Variants in ROBO2 observed in about 807,000 individuals in gnomAD.
ROBO2 encodes roundabout homolog 2.
In ROBO2, 53 loss-of-function variants were observed where a neutral mutation model predicts 160.8. The observed-to-expected ratio is 0.33, with a 90% CI of 0.26 to 0.41. The LOEUF is 0.41. Ranked by LOEUF, ROBO2 falls within the 10% of genes least tolerant of loss-of-function variation. The probability of loss-of-function intolerance (pLI) is 1.00; values close to 1 mark genes in which losing one functional copy is unlikely to be tolerated. For missense variants in ROBO2, 1,577 were observed against 1,722.4 expected (o/e 0.92, Z 1.49); for synonymous variants, 664 against 611.7 (o/e 1.09, Z -1.26).
chr3:76,681,286 T>G (rs2092555479), intron 2 of ROBO2, among the ~76,000 whole-genome samples: 1 of 152,118 alleles, frequency 6.6e-6, no homozygotes, highest in Non-Finnish European at 1.5e-5. Flanking sequence ...GAAAGCATAA[T>G]TTGACCATGT....
chr3:76,268,149 A>T (rs1223178408), intron 2 of ROBO2, among the ~76,000 whole-genome samples: 35 of 152,158 alleles, frequency 2.3e-4, no homozygotes. Context: ...GTGTGCCTGT[A>T]GTCTCAGTTA....
intron 2 of ROBO2, among the ~76,000 whole-genome samples, chr3:77,269,383 A>G (rs6770683): frequency 0.5 from 75,761 of 152,056 alleles, 20,087 homozygotes; most frequent in Middle Eastern, 0.7. Flanking sequence ...TAAACCATGC[A>G]TTCCCAATTG....
At chr3:76,616,977 T>C (rs1438117488) in intron 2 of ROBO2, among the ~76,000 whole-genome samples, 1 of 152,152 alleles carries the variant, frequency 6.6e-6, no homozygotes, top group Non-Finnish European at 1.5e-5. Context: ...CCTAGGTCAC[T>C]GACCTTAGCT....
chr3:77,613,852 A>G (rs2094706037), intron 21 of ROBO2, among the ~76,000 whole-genome samples: 1 of 152,202 alleles, frequency 6.6e-6, no homozygotes, highest in African/African-American at 2.4e-5. Flanking sequence ...ATAAGACTGC[A>G]TATAATCAAT....
At chr3:77,344,476 G>C (rs576901523) in intron 2 of ROBO2, among the ~76,000 whole-genome samples, 34 of 152,078 alleles carry the variant, frequency 2.2e-4, no homozygotes, top group Non-Finnish European at 4.6e-4. Context: ...CCTTATAAAA[G>C]AGGCCCAAGA....
intron 2 of ROBO2, among the ~76,000 whole-genome samples, chr3:77,359,890 T>C (rs1321298970): frequency 6.6e-6 from 1 of 151,990 alleles, no homozygotes; most frequent in Non-Finnish European, 1.5e-5. Flanking sequence ...TTGACTCTCT[T>C]GCCCAGAGTG....
intron 2 of ROBO2, among the ~76,000 whole-genome samples, chr3:77,241,535 G>T (rs1191403774): frequency 6.6e-6 from 1 of 152,110 alleles, no homozygotes; most frequent in East Asian, 1.9e-4. Context: ...TACACTTTAA[G>T]TGACTTTCCA....
intron 2 of ROBO2, among the ~76,000 whole-genome samples, chr3:77,457,132 T>C (rs1582105987): frequency 6.6e-6 from 1 of 152,168 alleles, no homozygotes. Context: ...TAGCTCTTGA[T>C]AACATTCTCT....
intron 2 of ROBO2, among the ~76,000 whole-genome samples, chr3:75,980,440 A>G (rs1256985044): frequency 6.6e-6 from 1 of 151,260 alleles, no homozygotes; most frequent in Non-Finnish European, 1.5e-5. Flanking sequence ...TCTGCTTAGT[A>G]TTCATTGTCA....
intron 2 of ROBO2, among the ~76,000 whole-genome samples, chr3:77,470,199 T>G (rs2083214682): frequency 6.6e-6 from 1 of 152,150 alleles, no homozygotes; most frequent in Non-Finnish European, 1.5e-5. Flanking sequence ...TGAAATCATA[T>G]TAAGGAGAGA....
chr3:76,293,917 G>A (rs1708935777), intron 2 of ROBO2, among the ~76,000 whole-genome samples: 3 of 152,092 alleles, frequency 2.0e-5, no homozygotes, highest in East Asian at 3.9e-4. Flanking sequence ...CACCATTCAC[G>A]GCACCCAGGC....
intron 2 of ROBO2, among the ~76,000 whole-genome samples, chr3:77,433,349 T>C (rs77825756): frequency 0.025 from 3,756 of 151,430 alleles, 162 homozygotes; most frequent in African/African-American, 0.085. Context: ...TCCTAAACTG[T>C]TCTGTATTGT....
At chr3:76,210,597 A>C (rs929162168) in intron 2 of ROBO2, among the ~76,000 whole-genome samples, 1 of 152,138 alleles carries the variant, frequency 6.6e-6, no homozygotes, top group South Asian at 2.1e-4. Flanking sequence ...ATTTAAACAG[A>C]GTTAATAAAT....
At chr3:77,136,090 G>A (rs1579293041) in intron 2 of ROBO2, among the ~76,000 whole-genome samples, 1 of 152,146 alleles carries the variant, frequency 6.6e-6, no homozygotes, top group Admixed American at 6.5e-5. Flanking sequence ...GCCTTTGTGA[G>A]TATTTTGGGT....
At chr3:77,615,165 AT>A (rs2094742850) in intron 21 of ROBO2, among the ~76,000 whole-genome samples, 1 of 152,120 alleles carries the variant, frequency 6.6e-6, no homozygotes, top group Non-Finnish European at 1.5e-5. Context: ...GTCCAAAAAA[AT>A]AAATTAAGAG....
chr3:76,832,424 A>G (rs3911519), intron 2 of ROBO2, among the ~76,000 whole-genome samples: 19,527 of 152,156 alleles, frequency 0.13, 1,409 homozygotes, highest in East Asian at 0.24. Context: ...CTTTGGTTGC[A>G]GAGACACACA....
chr3:77,596,812 C>T lies in ROBO2; in HGVS notation c.2854+62C>T, dbSNP rs2094315900. ...CTCTCTCTCTTTTTTTTTTTTTGAC[C>T]TTCCTGGATTTTTTTAAAGAAACAT... On this transcript the variant is annotated intron_variant, in intron 19 of 25. Coordinates refer to ENST00000461745, the Ensembl canonical transcript of ROBO2. 9 of 1,579,670 alleles carry T rather than the reference C, an allele frequency of 5.7e-6. No homozygotes were observed. In the Admixed American group the frequency reaches 7.1e-5, roughly 12 times the overall value.
At chr3:77,185,182 G>A (rs2081169240) in intron 2 of ROBO2, among the ~76,000 whole-genome samples, 1 of 151,998 alleles carries the variant, frequency 6.6e-6, no homozygotes, top group African/African-American at 2.4e-5. Flanking sequence ...TCAGTTTATT[G>A]AAAGATAATG....
chr3:76,969,759 A>C lies in ROBO2; in HGVS notation c.110-128255A>C, dbSNP rs933820315. 2.0e-5 allele frequency among the ~76,000 whole-genome samples: 3 copies of C among 152,020 alleles called. 1 individual carries two copies. In the East Asian group the frequency reaches 5.8e-4, roughly 29 times the overall value. ...GTGCTTTGGAGGTATAACAAAGAGG[A>C]CGATTTTTCTTAAGCTGTGATAAAA... On this transcript the variant is annotated intron_variant, in intron 2 of 26. Coordinates refer to the ROBO2 transcript ENST00000487694.
Sources: gnomAD v4.1 joint callset for allele counts (sites outside exome capture counted in the v4.1 genomes callset) on GRCh38, gnomAD v4.1.1 for gene constraint, MANE v1.5 for transcripts, NCBI Gene and HGNC (gene_info 2026-07-23, HGNC 2026-07-21) for gene names.